NUP93: variants seen among roughly 807,000 people sequenced by gnomAD.
NUP93 encodes nucleoporin 93, also known as nuclear pore complex protein Nup93.
A neutral mutation model predicts 107.8 loss-of-function variants in NUP93; 55 were observed. That is an observed-to-expected ratio of 0.51 (90% CI 0.41 to 0.64). The LOEUF (loss-of-function observed/expected upper bound fraction) is 0.64, where lower values mean the gene tolerates loss of function less well. Among genes scored for constraint, NUP93 ranks in the 30% least tolerant of loss-of-function variants. The pLI, the probability that NUP93 is intolerant of heterozygous loss-of-function variation, is 0.00. For missense variants in NUP93, 937 were observed against 1,044.7 expected (o/e 0.90, Z 1.42); for synonymous variants, 390 against 397.5 (o/e 0.98, Z 0.22).
intron 5 of NUP93, among the ~76,000 whole-genome samples, chr16:56,813,407 A>G (rs1303059179): frequency 6.6e-6 from 1 of 152,242 alleles, no homozygotes; most frequent in African/African-American, 2.4e-5. Flanking sequence ...ACTGCAGACC[A>G]TAGGATTCTG....
chr16:56,807,411 C>G (rs1371188172), intron 5 of NUP93, among the ~76,000 whole-genome samples: 1 of 152,146 alleles, frequency 6.6e-6, no homozygotes, highest in African/African-American at 2.4e-5. Flanking sequence ...CTTCTATGTG[C>G]CATAGTATAT....
chr16:56,764,482 T>C (rs1962183715), intron 3 of NUP93, among the ~76,000 whole-genome samples: 1 of 152,180 alleles, frequency 6.6e-6, no homozygotes, highest in Non-Finnish European at 1.5e-5. Context: ...AGAGAGAGAC[T>C]CTGTCTCAAA....
Position 56,850,178 on chromosome 16 carries a change from G to A in NUP93, c.*5569G>A, listed in dbSNP as rs1964160164. 6.6e-6 allele frequency: 1 copy of A among 152,212 alleles called. No individual in the cohort carries two copies. Among genetic ancestry groups the A allele is most frequent in the Non-Finnish European group, 1.5e-5 (1 of 68,060 alleles). The allele number at this position is 152,212 out of a possible 1,614,324, so 9.4% of individuals were successfully genotyped here. ...GGGAGAGGGTGGGAGAGCGTTGGTG[G>A]ATGTGTTCTGCATGTTCCTTTCTGT... On this transcript the variant is annotated 3_prime_UTR_variant, in exon 22 of 22. Coordinates refer to ENST00000308159, the MANE Select transcript of NUP93 (RefSeq NM_014669.5).
chr16:56,785,937 C>A (rs1203286886), intron 3 of NUP93, among the ~76,000 whole-genome samples: 1 of 152,028 alleles, frequency 6.6e-6, no homozygotes, highest in Non-Finnish European at 1.5e-5. Context: ...CTTTCTTTTT[C>A]TTTTTTAGTA....
chr16:56,810,022 G>A (rs1299686185), intron 5 of NUP93, among the ~76,000 whole-genome samples: 2 of 152,156 alleles, frequency 1.3e-5, no homozygotes, highest in Admixed American at 1.3e-4. Context: ...TCTGTATTGG[G>A]ATTTGGATGT....
intron 8 of NUP93, among the ~76,000 whole-genome samples, chr16:56,824,320 C>T (rs1409669246): frequency 6.6e-6 from 1 of 152,186 alleles, no homozygotes; most frequent in East Asian, 1.9e-4. Context: ...TCATTCTGAG[C>T]TGATAATGCC....
At chr16:56,822,755 G>A (rs1310414687) in intron 7 of NUP93, among the ~76,000 whole-genome samples, 2 of 151,446 alleles carry the variant, frequency 1.3e-5, no homozygotes, top group African/African-American at 4.8e-5. Context: ...GTAGAGACGG[G>A]GTTTCACCAT....
intron 1 of NUP93, among the ~76,000 whole-genome samples, chr16:56,741,999 C>T (rs1961747589): frequency 6.6e-6 from 1 of 152,192 alleles, no homozygotes; most frequent in Admixed American, 6.5e-5. Context: ...ATCTTTTTCT[C>T]AGCCCTTTGT....
chr16:56,814,077 A>T (rs569494382), intron 5 of NUP93, among the ~76,000 whole-genome samples: 20 of 152,340 alleles, frequency 1.3e-4, no homozygotes, highest in Non-Finnish European at 2.8e-4. Flanking sequence ...CATAAAGCCA[A>T]AACATTCCAC....
rs367873410 is a variant in NUP93 at position 56,756,303 on chromosome 16, C to T, written c.180-2235C>T. ...ATGCTCTCTCTCTCCTTGCCCCCCC[C>T]CCCCCCGACAGGCTCCTATGTGTGT... On this transcript the variant is annotated intron_variant, in intron 2 of 21. Coordinates refer to ENST00000308159, the MANE Select transcript of NUP93 (RefSeq NM_014669.5). 5.9e-5 allele frequency among the ~76,000 whole-genome samples: 5 copies of T among 85,168 alleles called. No homozygotes were observed. In the South Asian group the frequency reaches 2.0e-3, roughly 33 times the overall value. 55.9% of individuals were successfully genotyped at this position (85,168 alleles called of 152,430 possible). A position where few individuals can be genotyped will look rare whatever the true frequency, so the allele number is the denominator to read the frequency against.
chr16:56,813,525 A>G (rs1963359208), intron 5 of NUP93, among the ~76,000 whole-genome samples: 1 of 152,134 alleles, frequency 6.6e-6, no homozygotes, highest in South Asian at 2.1e-4. Context: ...TGCTCTTTCA[A>G]AAAGATTTTT....
intron 8 of NUP93, among the ~76,000 whole-genome samples, chr16:56,825,136 A>G (rs1326456238): frequency 2.7e-5 from 4 of 150,542 alleles, no homozygotes; most frequent in Non-Finnish European, 5.9e-5. Context: ...GGCTCGCTGC[A>G]ACGTCTGCCT....
At chr16:56,781,960 G>T in intron 3 of NUP93, 1 of 985,378 alleles carries the variant, frequency 1.0e-6, no homozygotes, top group South Asian at 4.7e-5. Flanking sequence ...CAATCTCATT[G>T]TTTAATTTGA....
chr16:56,760,211 G>T (rs542396444), intron 3 of NUP93, among the ~76,000 whole-genome samples: 9 of 152,310 alleles, frequency 5.9e-5, no homozygotes, highest in Admixed American at 5.2e-4. Context: ...TGAACTTTGA[G>T]GTTAAGGATG....
At chr16:56,788,006 T>G (rs1962666276) in intron 3 of NUP93, among the ~76,000 whole-genome samples, 1 of 152,224 alleles carries the variant, frequency 6.6e-6, no homozygotes, top group African/African-American at 2.4e-5. Flanking sequence ...GAAGCTAGAT[T>G]GAACCATTTT....
chr16:56,733,002 T>C (rs1961557905), intron 1 of NUP93, among the ~76,000 whole-genome samples: 2 of 152,148 alleles, frequency 1.3e-5, no homozygotes, highest in Non-Finnish European at 2.9e-5. Flanking sequence ...GGGGTTGGCA[T>C]AGGTGGGACT....
intron 3 of NUP93, among the ~76,000 whole-genome samples, chr16:56,788,003 G>C (rs1385157646): frequency 6.6e-6 from 1 of 152,198 alleles, no homozygotes; most frequent in African/African-American, 2.4e-5. Flanking sequence ...TGTGAAGCTA[G>C]ATTGAACCAT....
At chr16:56,768,293 G>A (rs1301396956) in intron 3 of NUP93, among the ~76,000 whole-genome samples, 1 of 152,214 alleles carries the variant, frequency 6.6e-6, no homozygotes, top group Non-Finnish European at 1.5e-5. Flanking sequence ...GCTGGGCGCA[G>A]TGGCTCACGC....
rs575751948 is a variant in NUP93, at chr16:56,805,447, A to C, written c.361-57A>C. On this transcript the variant is annotated intron_variant, in intron 4 of 21. Transcript: ENST00000308159. ...GCTTTAGGTTTCTGTTGGGTCTTAA[A>C]CCATGTTTTTTTTGTTTTTTTCCTG... The C allele has an allele frequency of 3.1e-6, 5 of 1,603,904 alleles. No individual in the cohort carries two copies. The East Asian group carries it at 6.7e-5, about 22-fold the overall frequency.
Sources: allele counts gnomAD v4.1 joint callset (sites outside exome capture counted in the v4.1 genomes callset), GRCh38; gene constraint gnomAD v4.1.1; transcripts MANE v1.5; gene names NCBI Gene and HGNC (gene_info 2026-07-23, HGNC 2026-07-21).